Variants in RABGAP1L observed in about 807,000 individuals in gnomAD.
RABGAP1L encodes the protein RAB GTPase activating protein 1 like, also known as rab GTPase-activating protein 1-like.
In RABGAP1L, 63 loss-of-function variants were observed where a neutral mutation model predicts 137.7. That is an observed-to-expected ratio of 0.46 (90% CI 0.37 to 0.56). The LOEUF is 0.56. Ranked by LOEUF, RABGAP1L falls within the 20% of genes least tolerant of loss-of-function variation. The pLI, the probability that RABGAP1L is intolerant of heterozygous loss-of-function variation, is 0.00. For missense variants in RABGAP1L, 1,095 were observed against 1,244.0 expected, an observed-to-expected ratio of 0.88 and a Z score of 1.80; for synonymous variants, 431 against 433.7, an observed-to-expected ratio of 0.99 and a Z score of 0.08.
chr1:174,702,825 GT>G (rs1679759079), intron 17 of RABGAP1L, among the ~76,000 whole-genome samples: 2 of 151,990 alleles, frequency 1.3e-5, no homozygotes, highest in Admixed American at 1.3e-4. Context: ...GTATTTTATT[GT>G]TTTTAGTTCC....
At chr1:174,803,457 G>C (rs564329275) in intron 18 of RABGAP1L, among the ~76,000 whole-genome samples, 1 of 152,236 alleles carries the variant, frequency 6.6e-6, no homozygotes, top group South Asian at 2.1e-4. Context: ...TCAGCTAACT[G>C]GTATTTCCCT....
chr1:174,940,977 C>T (rs2149290904), intron 19 of RABGAP1L, among the ~76,000 whole-genome samples: 1 of 152,308 alleles, frequency 6.6e-6, no homozygotes, highest in East Asian at 1.9e-4. Flanking sequence ...CAGTGTATTC[C>T]TTCCGGCCTG....
chr1:174,160,033 C>T (rs1298685452), intron 1 of RABGAP1L: 3 of 152,334 alleles, frequency 2.0e-5, no homozygotes, highest in Non-Finnish European at 4.4e-5. Context: ...TTCGCAGTCC[C>T]AGCCGCCCTG....
chr1:174,319,024 T>G (rs1049511074), intron 11 of RABGAP1L, among the ~76,000 whole-genome samples: 1 of 152,122 alleles, frequency 6.6e-6, no homozygotes, highest in Non-Finnish European at 1.5e-5. Context: ...CATTACAGTA[T>G]TGCATATTTT....
At chr1:174,577,193 CTGTT>C (rs901048681) in intron 13 of RABGAP1L, among the ~76,000 whole-genome samples, 8 of 143,764 alleles carry the variant, frequency 5.6e-5, no homozygotes, top group African/African-American at 1.8e-4. Context: ...GAGACCCTGT[CTGTT>C]AGGGGGAAAA....
chr1:174,224,638 C>A (rs1246069174), intron 3 of RABGAP1L, among the ~76,000 whole-genome samples: 1 of 152,070 alleles, frequency 6.6e-6, no homozygotes, highest in Non-Finnish European at 1.5e-5. Flanking sequence ...CTTTTAATGT[C>A]TGCAGGATGT....
chr1:174,330,923 C>G (rs1295861698), intron 11 of RABGAP1L, among the ~76,000 whole-genome samples: 2 of 152,148 alleles, frequency 1.3e-5, no homozygotes, highest in Non-Finnish European at 2.9e-5. Context: ...CATCATGCTA[C>G]CTGATTCAAA....
At chr1:174,717,620 A>C (rs1681129253) in intron 17 of RABGAP1L, among the ~76,000 whole-genome samples, 1 of 152,126 alleles carries the variant, frequency 6.6e-6, no homozygotes. Context: ...AACATGCAAA[A>C]TTTTTACAAA....
intron 11 of RABGAP1L, among the ~76,000 whole-genome samples, chr1:174,310,295 A>G (rs1281250460): frequency 6.6e-6 from 1 of 152,048 alleles, no homozygotes; most frequent in African/African-American, 2.4e-5. Flanking sequence ...GTTGTTTTAT[A>G]CTATTGTGGT....
chr1:174,658,997 A>G (rs1481447848), intron 14 of RABGAP1L, among the ~76,000 whole-genome samples: 7 of 152,196 alleles, frequency 4.6e-5, no homozygotes, highest in South Asian at 2.1e-4. Context: ...CTAAGAATCC[A>G]TAAGAATTTT....
intron 3 of RABGAP1L, among the ~76,000 whole-genome samples, chr1:174,224,664 C>T (rs1670025099): frequency 6.6e-6 from 1 of 152,102 alleles, no homozygotes; most frequent in Admixed American, 6.6e-5. Flanking sequence ...AATATCCTCT[C>T]ATTCCTGATA....
chr1:174,368,467 A>G (rs1407746262), intron 11 of RABGAP1L, among the ~76,000 whole-genome samples: 2 of 152,214 alleles, frequency 1.3e-5, no homozygotes, highest in African/African-American at 4.8e-5. Context: ...AAAACTAGGT[A>G]TTATCAATTT....
chr1:174,554,205 A>G (rs58401153), intron 13 of RABGAP1L, among the ~76,000 whole-genome samples: 5,283 of 152,262 alleles, frequency 0.035, 121 homozygotes, highest in Middle Eastern at 0.088. Flanking sequence ...ACTTTTGCAA[A>G]TTGGACCAAA....
chr1:174,325,091 C>T (rs944377500), intron 11 of RABGAP1L, among the ~76,000 whole-genome samples: 6 of 152,162 alleles, frequency 3.9e-5, no homozygotes, highest in African/African-American at 1.4e-4. Flanking sequence ...ACTTGAGCTT[C>T]TATGTGGTTA....
At chr1:174,404,844 C>A (rs909610044) in intron 13 of RABGAP1L, among the ~76,000 whole-genome samples, 4 of 152,146 alleles carry the variant, frequency 2.6e-5, no homozygotes, top group Non-Finnish European at 5.9e-5. Context: ...TTGGTAGTTG[C>A]TGGCAAAAAT....
intron 11 of RABGAP1L, 124 bp from the exon 12 acceptor site, chr1:174,370,855 G>T: frequency 2.4e-6 from 1 of 422,734 alleles, no homozygotes; most frequent in Non-Finnish European, 4.2e-6. Context: ...TTTTTGCAAT[G>T]CATGTAATAA....
chr1:174,247,237 A>G (rs1399927885), intron 5 of RABGAP1L, among the ~76,000 whole-genome samples: 1 of 152,218 alleles, frequency 6.6e-6, no homozygotes. Flanking sequence ...AAGAATAAAT[A>G]TGGCTGGGGT....
At chr1:174,648,798 G>A (rs1018952400) in intron 14 of RABGAP1L, among the ~76,000 whole-genome samples, 2 of 152,010 alleles carry the variant, frequency 1.3e-5, no homozygotes, top group Non-Finnish European at 2.9e-5. Flanking sequence ...TTGACAGTGG[G>A]GTGTTAAAGT....
chr1:174,919,264 C>T (rs1050497298), intron 19 of RABGAP1L, among the ~76,000 whole-genome samples: 5 of 152,116 alleles, frequency 3.3e-5, no homozygotes, highest in Non-Finnish European at 7.4e-5. Context: ...GCGATCCGCC[C>T]GCCTTGACCT....
Sources: allele counts gnomAD v4.1 joint callset (sites outside exome capture counted in the v4.1 genomes callset), GRCh38; gene constraint gnomAD v4.1.1; transcripts MANE v1.5; gene names NCBI Gene and HGNC (gene_info 2026-07-23, HGNC 2026-07-21).